Variants in IRAK3 observed in about 807,000 individuals in gnomAD.
IRAK3 encodes the protein interleukin-1 receptor-associated kinase 3.
IRAK3 carries 57 observed loss-of-function variants against 56.6 expected under a neutral mutation model. That is an observed-to-expected ratio of 1.01 (90% CI 0.81 to 1.26). The LOEUF (loss-of-function observed/expected upper bound fraction) is 1.26. Among genes scored for constraint, IRAK3 ranks in the 50% most tolerant of loss-of-function variants. IRAK3 has a pLI of 0.00. For synonymous variants in IRAK3, 258 were observed against 255.7 expected (o/e 1.01, Z -0.09); for missense variants, 703 against 719.0 (o/e 0.98, Z 0.25).
chr12:66,223,036 T>G, intron 6 of IRAK3, among the ~76,000 whole-genome samples: 1 of 146,744 alleles, frequency 6.8e-6, no homozygotes, highest in South Asian at 2.2e-4. Flanking sequence ...GGGGCAGGAG[T>G]GGGGTGTCAC....
At chr12:66,234,116 G>T in intron 8 of IRAK3, 1 of 1,614,114 alleles carries the variant, frequency 6.2e-7, no homozygotes, top group East Asian at 2.2e-5. Flanking sequence ...GTCATTAGAC[G>T]TCTCGACAGC....
intron 6 of IRAK3, among the ~76,000 whole-genome samples, chr12:66,225,179 GTC>G (rs1016520121): frequency 5.3e-5 from 8 of 152,022 alleles, no homozygotes; most frequent in African/African-American, 1.7e-4. Flanking sequence ...CAAAAGATTA[GTC>G]TCTCTGAATT....
intron 4 of IRAK3, among the ~76,000 whole-genome samples, chr12:66,210,675 T>C (rs1382372379): frequency 1.3e-5 from 2 of 152,200 alleles, no homozygotes; most frequent in Non-Finnish European, 2.9e-5. Flanking sequence ...CTGGAATCAT[T>C]CTGATAAATG....
rs773483941 is a variant in IRAK3 at position 66,189,437 on chromosome 12, G to A, written c.133+5G>A. On this transcript the variant is annotated splice_donor_5th_base_variant and intron_variant, in intron 1 of 11. Coordinates refer to ENST00000261233, the MANE Select transcript of IRAK3 (RefSeq NM_007199.3). Reference sequence around the variant, plus strand: ...CGCTGGGCTGGCGCGGCCTGGGTGAGTCGGCGGGGACCGGCCGGGGGCGGC... The same window carrying A: ...CGCTGGGCTGGCGCGGCCTGGGTGAATCGGCGGGGACCGGCCGGGGGCGGC... The A allele has an allele frequency of 2.0e-5, 26 of 1,273,014 alleles. 1 individual carries two copies. In the South Asian group the frequency reaches 5.1e-4, roughly 25 times the overall value. 78.9% of individuals were successfully genotyped at this position (1,273,014 alleles called of 1,614,324 possible). A position where few individuals can be genotyped will look rare whatever the true frequency, so the allele number is the denominator to read the frequency against.
chr12:66,197,735 C>T, intron 1 of IRAK3: 1 of 985,368 alleles, frequency 1.0e-6, no homozygotes, highest in South Asian at 4.7e-5. Flanking sequence ...ATGCCCCGGT[C>T]AATGTTAGAG....
intron 8 of IRAK3, chr12:66,234,911 A>G: frequency 1.2e-6 from 2 of 1,613,724 alleles, no homozygotes; most frequent in Non-Finnish European, 1.7e-6. Context: ...TTGAGCTTGA[A>G]CCCCACTGGC....
At chr12:66,215,793 C>CGTGCGCGCGCGT (rs1400287667) in intron 5 of IRAK3, among the ~76,000 whole-genome samples, 1 of 147,556 alleles carries the variant, frequency 6.8e-6, no homozygotes, top group African/African-American at 2.5e-5. Flanking sequence ...CATGCACACA[C>CGTGCGCGCGCGT]ACACACACAC....
intron 8 of IRAK3, among the ~76,000 whole-genome samples, chr12:66,235,531 C>A (rs1021323976): frequency 6.6e-6 from 1 of 151,934 alleles, no homozygotes; most frequent in Non-Finnish European, 1.5e-5. Flanking sequence ...GCAGCCGCCG[C>A]TCTGCGTGCC....
At position 66,212,749 on chromosome 12, in the gene IRAK3, C is replaced by A. The variant is rs117499910; in HGVS notation, c.588+1152C>A. The stretch of plus-strand genomic sequence containing the variant: ...GTAGGGACATGAATGAAGCTGGAAA[C>A]CATCATCCTTAGCGAACGAACACAG... On this transcript the variant is annotated intron_variant, in intron 5 of 11. Coordinates refer to ENST00000261233, the MANE Select transcript of IRAK3 (RefSeq NM_007199.3). Among the ~76,000 whole-genome samples the A allele has an allele frequency of 2.2e-4, 33 of 152,178 alleles. 1 individual carries two copies. The East Asian group carries it at 6.0e-3, about 28-fold the overall frequency.
chr12:66,221,049 AGT>A (rs1200302605), intron 6 of IRAK3, among the ~76,000 whole-genome samples: 1 of 152,152 alleles, frequency 6.6e-6, no homozygotes, highest in East Asian at 1.9e-4. Context: ...TTCTTTCATC[AGT>A]GTCCTATAGT....
intron 6 of IRAK3, among the ~76,000 whole-genome samples, chr12:66,217,842 C>T (rs2052693001): frequency 6.6e-6 from 1 of 151,920 alleles, no homozygotes; most frequent in Non-Finnish European, 1.5e-5. Context: ...GATGTGAAGT[C>T]GGGAAGCAGG....
intron 5 of IRAK3, among the ~76,000 whole-genome samples, chr12:66,216,249 G>A (rs777117105): frequency 6.6e-6 from 1 of 152,156 alleles, no homozygotes; most frequent in African/African-American, 2.4e-5. Flanking sequence ...AGAGATGGGC[G>A]GAAAATCCAA....
Position 66,228,307 on chromosome 12 carries a change from C to T in IRAK3, c.824C>T (p.Ser275Phe). Reference sequence around the variant, plus strand: ...CGAATCGGTATATTAATAGGAATATCCAAAGCCATTCACTACCTGCACAAC... The same window carrying T: ...CGAATCGGTATATTAATAGGAATATTCAAAGCCATTCACTACCTGCACAAC... ...HIRIGILIGI[S>F]KAIHYLHNVQ... The change falls in exon 8 of 12, where the codon TCC (serine) becomes TTC (phenylalanine). Residue 275 changes from serine to phenylalanine, a missense_variant. Coordinates refer to ENST00000261233, the MANE Select transcript of IRAK3 (RefSeq NM_007199.3). 1 of 1,614,126 alleles carries T rather than the reference C, an allele frequency of 6.2e-7. No individual in the cohort carries two copies. The highest frequency in any genetic ancestry group is 8.5e-7 in the Non-Finnish European group (1 of 1,179,998).
rs150029555 is a variant in IRAK3, at chr12:66,234,726, A to G, written c.887+6356A>G. The G allele has an allele frequency of 2.7e-3, 4,303 of 1,600,266 alleles. 97 individuals are homozygous for G. The Admixed American group carries it at 0.038, about 14-fold the overall frequency. ...GTAACAGCTTCACATTTTTCTGTTG[A>G]TTCCGTCCTAGCAAAGCCAACACCA... is the stretch of plus-strand genomic sequence containing the variant. On this transcript the variant is annotated intron_variant, in intron 8 of 11. Coordinates refer to ENST00000261233, the MANE Select transcript of IRAK3 (RefSeq NM_007199.3).
chr12:66,235,047 G>T lies in IRAK3; in HGVS notation c.887+6677G>T, dbSNP rs2136945106. On this transcript the variant is annotated intron_variant, in intron 8 of 11. Transcript: ENST00000261233. ...GTGGAGACTATTTTCCCATATGGTT[G>T]ACAGAGCTTCACCAGGTCCTGGTCG... 10 of 1,613,318 alleles carry T rather than the reference G, an allele frequency of 6.2e-6. No individual in the cohort carries two copies. The South Asian group carries it at 8.8e-5, about 14-fold the overall frequency.
intron 11 of IRAK3, among the ~76,000 whole-genome samples, chr12:66,246,432 AG>A (rs2136954364): frequency 6.6e-6 from 1 of 152,340 alleles, no homozygotes; most frequent in South Asian, 2.1e-4. Context: ...GAGCCATGCA[AG>A]GGTTTTAAAC....
At chr12:66,189,529 C>T in intron 1 of IRAK3, 97 bp downstream of exon 1, 1 of 858,874 alleles carries the variant, frequency 1.2e-6, no homozygotes, top group Non-Finnish European at 1.4e-6. Context: ...CCTCGCGGGG[C>T]TGGCGCGGCC....
intron 1 of IRAK3, chr12:66,196,987 G>GA (rs1420424987): frequency 3.3e-6 from 5 of 1,534,178 alleles, no homozygotes; most frequent in African/African-American, 1.4e-5. Context: ...TGCATTATTT[G>GA]AAAAAACCCC....
At chr12:66,207,405 G>A (rs951171519) in intron 2 of IRAK3, among the ~76,000 whole-genome samples, 2 of 151,942 alleles carry the variant, frequency 1.3e-5, no homozygotes, top group Admixed American at 6.6e-5. Context: ...CTGGGAGGTG[G>A]AGGTTGCAGT....
Sources: allele counts gnomAD v4.1 joint callset (sites outside exome capture counted in the v4.1 genomes callset), GRCh38; gene constraint gnomAD v4.1.1; transcripts MANE v1.5; gene names NCBI Gene and HGNC (gene_info 2026-07-23, HGNC 2026-07-21).